AGMO: variants seen among roughly 807,000 people sequenced by gnomAD.
AGMO encodes alkylglycerol monooxygenase.
AGMO carries 75 observed loss-of-function variants against 60.2 expected under a neutral mutation model. The ratio of observed to expected loss-of-function variants is 1.25; its 90% CI spans 1.03 to 1.51. AGMO has a LOEUF of 1.51. Among genes scored for constraint, AGMO ranks in the 40% most tolerant of loss-of-function variants. The pLI is 0.00. For synonymous variants in AGMO, 261 were observed against 177.1 expected (o/e 1.47, Z -3.76); for missense variants, 763 against 525.5 (o/e 1.45, Z -4.42).
intron 12 of AGMO, among the ~76,000 whole-genome samples, chr7:15,308,155 G>A (rs924542363): frequency 2.6e-5 from 4 of 151,978 alleles, no homozygotes; most frequent in African/African-American, 9.7e-5. Flanking sequence ...AAGTATGTCT[G>A]TTCTAATTTC....
intron 12 of AGMO, among the ~76,000 whole-genome samples, chr7:15,209,721 G>A (rs1781535140): frequency 6.6e-6 from 1 of 151,986 alleles, no homozygotes; most frequent in Admixed American, 6.6e-5. Flanking sequence ...AGGGTATACA[G>A]AGTCTTGACT....
intron 12 of AGMO, among the ~76,000 whole-genome samples, chr7:15,328,214 C>T (rs1214599347): frequency 1.3e-5 from 2 of 152,110 alleles, no homozygotes; most frequent in African/African-American, 4.8e-5. Flanking sequence ...TCTCCTGCCT[C>T]AGCCTCCCAA....
chr7:15,451,372 T>C (rs1469619441), intron 3 of AGMO, among the ~76,000 whole-genome samples: 1 of 152,214 alleles, frequency 6.6e-6, no homozygotes, highest in Non-Finnish European at 1.5e-5. Context: ...CAGTAGTTAA[T>C]AGAGAGTGCC....
intron 12 of AGMO, among the ~76,000 whole-genome samples, chr7:15,354,518 A>ACGCG (rs1782443602): frequency 1.1e-5 from 1 of 93,168 alleles, no homozygotes; most frequent in African/African-American, 5.1e-5. Flanking sequence ...ATATATATAT[A>ACGCG]TATATATATA....
At chr7:15,277,295 ACT>A (rs1286332483) in intron 12 of AGMO, among the ~76,000 whole-genome samples, 2 of 150,258 alleles carry the variant, frequency 1.3e-5, no homozygotes, top group Non-Finnish European at 2.9e-5. Flanking sequence ...ACAGAGCAAG[ACT>A]CTGTCTCAAA....
intron 12 of AGMO, among the ~76,000 whole-genome samples, chr7:15,288,659 T>G (rs1784168317): frequency 6.6e-6 from 1 of 151,900 alleles, no homozygotes; most frequent in African/African-American, 2.4e-5. Flanking sequence ...TTATAAAGAT[T>G]CTGATGCAAA....
chr7:15,335,115 T>C (rs1781616260), intron 12 of AGMO, among the ~76,000 whole-genome samples: 1 of 152,176 alleles, frequency 6.6e-6, no homozygotes, highest in South Asian at 2.1e-4. Context: ...ACAAATAAAC[T>C]AATGTAAAGT....
chr7:15,263,598 A>G (rs1035085991), intron 12 of AGMO, among the ~76,000 whole-genome samples: 1 of 152,124 alleles, frequency 6.6e-6, no homozygotes, highest in Admixed American at 6.6e-5. Flanking sequence ...AAGTCATTAT[A>G]TGAAAAAATA....
intron 12 of AGMO, among the ~76,000 whole-genome samples, chr7:15,323,600 T>C (rs1267556122): frequency 6.6e-6 from 1 of 152,162 alleles, no homozygotes; most frequent in Non-Finnish European, 1.5e-5. Flanking sequence ...TCCCAATTTC[T>C]TATAATATTT....
At chr7:15,195,692 G>T (rs538320896), downstream of AGMO, among the ~76,000 whole-genome samples, 2 of 152,218 alleles carry the variant, frequency 1.3e-5, no homozygotes, top group South Asian at 4.1e-4. Context: ...GCCTTTCCAT[G>T]ACTGCAGCTT....
the AGMO span, among the ~76,000 whole-genome samples, chr7:15,123,778 G>T: frequency 1.4e-4 from 22 of 152,022 alleles, no homozygotes; most frequent in African/African-American, 5.1e-4. Context: ...AATTTCTGCT[G>T]AAGTAATTTA....
the AGMO span, among the ~76,000 whole-genome samples, chr7:15,124,853 C>A: frequency 6.6e-6 from 1 of 152,004 alleles, no homozygotes; most frequent in Non-Finnish European, 1.5e-5. Context: ...AGGCTGAAGT[C>A]ATGGAAGCAC....
At chr7:15,230,760 G>A (rs73056456) in intron 12 of AGMO, among the ~76,000 whole-genome samples, 16,117 of 151,916 alleles carry the variant, frequency 0.11, 942 homozygotes, top group African/African-American at 0.13. Context: ...CTCACTCCTC[G>A]CTCTTCCCCT....
rs374524978 is a variant in AGMO at position 15,323,155 on chromosome 7, A to G, written c.1263+42359T>C. The stretch of plus-strand genomic sequence containing the variant: ...TAATAAGACTTCTTTATAATTTCCA[A>G]TATAAAGAGATGATAAGCGAATGAT... On this transcript the variant is annotated intron_variant, in intron 12 of 12. Transcript: ENST00000342526. Among the ~76,000 whole-genome samples the G allele has an allele frequency of 1.2e-4, 19 of 152,074 alleles. 2 individuals carry two copies. The South Asian group carries it at 3.7e-3, about 30-fold the overall frequency.
chr7:15,420,757 A>T (rs1412516756), intron 4 of AGMO, among the ~76,000 whole-genome samples: 1 of 152,002 alleles, frequency 6.6e-6, no homozygotes, highest in East Asian at 1.9e-4. Flanking sequence ...CCATCCTCAA[A>T]CTCAGAGTAA....
At chr7:15,181,445 A>G in the AGMO span, among the ~76,000 whole-genome samples, 2 of 152,162 alleles carry the variant, frequency 1.3e-5, no homozygotes, top group African/African-American at 4.8e-5. Flanking sequence ...CTATTTTATC[A>G]GTCACTACCC....
intron 12 of AGMO, among the ~76,000 whole-genome samples, chr7:15,352,659 C>T (rs866187044): frequency 6.6e-6 from 1 of 151,826 alleles, no homozygotes; most frequent in African/African-American, 2.4e-5. Context: ...AACCAGCTTA[C>T]AGGCAACAGC....
At chr7:15,291,828 AAAG>A (rs1784271484) in intron 12 of AGMO, among the ~76,000 whole-genome samples, 1 of 152,172 alleles carries the variant, frequency 6.6e-6, no homozygotes, top group Admixed American at 6.5e-5. Context: ...ACATAACCTG[AAAG>A]AAGAGCAATG....
At chr7:15,336,538 A>G (rs1781668204) in intron 12 of AGMO, among the ~76,000 whole-genome samples, 1 of 152,152 alleles carries the variant, frequency 6.6e-6, no homozygotes. Context: ...AATAGAAGAT[A>G]TTTTACACAA....
Sources: gnomAD v4.1 joint callset for allele counts (sites outside exome capture counted in the v4.1 genomes callset) on GRCh38, gnomAD v4.1.1 for gene constraint, MANE v1.5 for transcripts, NCBI Gene and HGNC (gene_info 2026-07-23, HGNC 2026-07-21) for gene names.